Variants in DPP6 observed in about 807,000 individuals in gnomAD.
DPP6 encodes the protein A-type potassium channel modulatory protein DPP6.
In DPP6, 69 loss-of-function variants were observed where a neutral mutation model predicts 122.6. The ratio of observed to expected loss-of-function variants is 0.56; its 90% CI spans 0.46 to 0.69. The LOEUF is 0.69. Among genes scored for constraint, DPP6 ranks in the 30% least tolerant of loss-of-function variants. The pLI is 0.00. For synonymous variants in DPP6, 418 were observed against 433.1 expected (o/e 0.97, Z 0.43); for missense variants, 928 against 1,116.9 (o/e 0.83, Z 2.41).
chr7:154,135,744 A>G (rs1795519099), intron 1 of DPP6, among the ~76,000 whole-genome samples: 1 of 150,930 alleles, frequency 6.6e-6, no homozygotes, highest in African/African-American at 2.5e-5. Context: ...TTCTGAGCAC[A>G]CACTTCCTAT....
At chr7:154,011,641 TAAAAG>T (rs1404096412) in intron 1 of DPP6, among the ~76,000 whole-genome samples, 1 of 152,192 alleles carries the variant, frequency 6.6e-6, no homozygotes, top group Non-Finnish European at 1.5e-5. Flanking sequence ...CCATCTCACT[TAAAAG>T]AAATATTTGT....
intron 1 of DPP6, among the ~76,000 whole-genome samples, chr7:153,896,911 CCAAAT>C (rs1799437829): frequency 6.6e-6 from 1 of 152,100 alleles, no homozygotes; most frequent in Admixed American, 6.6e-5. Flanking sequence ...ATTTATCAGA[CCAAAT>C]CATATCTTGA....
chr7:154,520,943 T>G (rs1317111604), intron 3 of DPP6, among the ~76,000 whole-genome samples: 1 of 152,228 alleles, frequency 6.6e-6, no homozygotes, highest in Non-Finnish European at 1.5e-5. Context: ...CGTATTCTAC[T>G]GAAGAAATAG....
the DPP6 span, among the ~76,000 whole-genome samples, chr7:153,840,932 G>A: frequency 6.6e-6 from 1 of 152,194 alleles, no homozygotes; most frequent in East Asian, 1.9e-4. Context: ...CAAAGTGAAA[G>A]GCAAGCCTGA....
intron 8 of DPP6, among the ~76,000 whole-genome samples, chr7:154,763,074 G>A (rs1795660710): frequency 6.6e-6 from 1 of 152,360 alleles, no homozygotes; most frequent in South Asian, 2.1e-4. Flanking sequence ...GCTCACGCCT[G>A]TAATCCCAGC....
At position 154,609,284 on chromosome 7, in the gene DPP6, T is replaced by C. The variant is rs529182753; in HGVS notation, c.628-28537T>C. Among the ~76,000 whole-genome samples, 10 of 152,372 alleles carry C rather than the reference T, an allele frequency of 6.6e-5. No individual in the cohort carries two copies. In the South Asian group the frequency reaches 2.1e-3, roughly 32 times the overall value. On this transcript the variant is annotated intron_variant, in intron 5 of 25. Transcript: ENST00000377770. Reference sequence around the variant, plus strand: ...GAACCCAGTACTATCTTTCTTTGCATTGCCCATGCAAGTGAGCCCTGCAAT... The same window carrying C: ...GAACCCAGTACTATCTTTCTTTGCACTGCCCATGCAAGTGAGCCCTGCAAT...
At chr7:154,200,472 G>T (rs560168464) in intron 1 of DPP6, among the ~76,000 whole-genome samples, 1 of 152,246 alleles carries the variant, frequency 6.6e-6, no homozygotes, top group Non-Finnish European at 1.5e-5. Context: ...GATTGGAGGA[G>T]ACCTGAGTCT....
the DPP6 span, among the ~76,000 whole-genome samples, chr7:153,757,412 G>C: frequency 7.2e-5 from 11 of 152,178 alleles, no homozygotes; most frequent in Non-Finnish European, 1.6e-4. Flanking sequence ...CTGGGGCCTC[G>C]TGGAAACTTC....
chr7:154,527,994 A>G (rs1262497900), intron 3 of DPP6, among the ~76,000 whole-genome samples: 2 of 152,132 alleles, frequency 1.3e-5, no homozygotes, highest in Non-Finnish European at 2.9e-5. Context: ...CAGTTTGAAA[A>G]AAAAAACAAA....
intron 16 of DPP6, among the ~76,000 whole-genome samples, chr7:154,853,350 G>A (rs1802553551): frequency 6.6e-6 from 1 of 152,216 alleles, no homozygotes. Flanking sequence ...TGTTATGAGA[G>A]ACCCATTGGA....
At chr7:154,416,112 A>G (rs1209376797) in intron 1 of DPP6, among the ~76,000 whole-genome samples, 2 of 152,176 alleles carry the variant, frequency 1.3e-5, no homozygotes, top group African/African-American at 4.8e-5. Flanking sequence ...TGTTCTGAGT[A>G]GCATTATGAA....
At chr7:154,485,351 C>T (rs997964780) in intron 3 of DPP6, among the ~76,000 whole-genome samples, 2 of 152,074 alleles carry the variant, frequency 1.3e-5, no homozygotes, top group African/African-American at 4.8e-5. Context: ...TGGTGTAAAC[C>T]ACCAGTTTAT....
chr7:154,117,647 A>AGT (rs1807088882), intron 1 of DPP6, among the ~76,000 whole-genome samples: 2 of 152,168 alleles, frequency 1.3e-5, no homozygotes, highest in Non-Finnish European at 1.5e-5. Flanking sequence ...GTTTTTGCAA[A>AGT]GTGTGTGTCA....
the DPP6 span, among the ~76,000 whole-genome samples, chr7:153,823,951 C>T: frequency 6.6e-6 from 1 of 152,146 alleles, no homozygotes; most frequent in Admixed American, 6.5e-5. Context: ...GGCCAGCTAA[C>T]TTCATCCCTC....
chr7:153,794,362 T>C, the DPP6 span, among the ~76,000 whole-genome samples: 2 of 152,196 alleles, frequency 1.3e-5, no homozygotes, highest in African/African-American at 4.8e-5. Flanking sequence ...GGAGATCATT[T>C]TGGAGCCCTA....
chr7:154,698,756 C>T (rs961793677), intron 7 of DPP6, among the ~76,000 whole-genome samples: 5 of 152,300 alleles, frequency 3.3e-5, no homozygotes, highest in East Asian at 1.9e-4. Context: ...CAGCGGAAAT[C>T]GGAAATCACC....
At chr7:154,679,138 G>T (rs1373197427) in intron 7 of DPP6, among the ~76,000 whole-genome samples, 1 of 152,116 alleles carries the variant, frequency 6.6e-6, no homozygotes, top group Non-Finnish European at 1.5e-5. Flanking sequence ...CTTCATGACG[G>T]GCCAGCCCCC....
At chr7:154,091,446 C>T (rs1431649650) in intron 1 of DPP6, among the ~76,000 whole-genome samples, 4 of 152,080 alleles carry the variant, frequency 2.6e-5, no homozygotes, top group Admixed American at 2.6e-4. Flanking sequence ...TTCTTGTAAC[C>T]CTGGCAGAAG....
chr7:154,794,186 C>G lies in DPP6; in HGVS notation c.1244C>G (p.Thr415Arg). 1 of 1,610,472 alleles carries G rather than the reference C, an allele frequency of 6.2e-7. No individual in the cohort carries two copies. Among genetic ancestry groups the G allele is most frequent in the Non-Finnish European group, 8.5e-7 (1 of 1,178,216 alleles). ...ATCCTCACCCTCTGCGACGCCACCA[C>G]GGGGGTCTGCACGAAGGTACGCGGG... ...VSILTLCDATTGVCTKKHEDE... is the reference protein window; with the variant it reads ...VSILTLCDATRGVCTKKHEDE... The change falls in exon 11 of 26, where the codon ACG becomes AGG. Residue 415 changes from threonine to arginine, a missense_variant. Transcript: ENST00000377770.
Sources: allele counts gnomAD v4.1 joint callset (sites outside exome capture counted in the v4.1 genomes callset), GRCh38; gene constraint gnomAD v4.1.1; transcripts MANE v1.5; gene names NCBI Gene and HGNC (gene_info 2026-07-23, HGNC 2026-07-21).